Variants in TAF7L observed in about 807,000 individuals in gnomAD.
TAF7L encodes the protein TATA-box binding protein associated factor 7 like.
TAF7L carries 6 observed loss-of-function variants against 30.2 expected under a neutral mutation model. The observed-to-expected ratio is 0.20, with a 90% CI of 0.11 to 0.39. The LOEUF (loss-of-function observed/expected upper bound fraction) is 0.39, where lower values mean the gene tolerates loss of function less well. TAF7L is among the 10% of genes least tolerant of loss of function. TAF7L has a pLI of 1.00. For missense variants in TAF7L, 284 were observed against 277.1 expected, an observed-to-expected ratio of 1.03 and a Z score of -0.18; for synonymous variants, 93 against 94.5, an observed-to-expected ratio of 0.98 and a Z score of 0.09.
chrX:101,286,180 CA>C (rs1188025833), intron 3 of TAF7L, among the ~76,000 whole-genome samples: 217 of 46,237 alleles, frequency 4.7e-3, no homozygotes, highest in Middle Eastern at 0.043. Flanking sequence ...GACTCCATCT[CA>C]AAAAAAAAAA....
chrX:101,292,253 A>T (rs1365153726), upstream of TAF7L, among the ~76,000 whole-genome samples: 4 of 24,718 alleles, frequency 1.6e-4, no homozygotes, highest in South Asian at 3.9e-3. Context: ...AAAAAAAAAT[A>T]AATAAAAAAA....
chrX:101,289,288 T>A (rs1172801747), intron 1 of TAF7L, among the ~76,000 whole-genome samples: 3 of 112,016 alleles, frequency 2.7e-5, no homozygotes, highest in Non-Finnish European at 3.8e-5. Flanking sequence ...TATTTATCCA[T>A]TCACTTGTTG....
chrX:101,280,046 TA>T (rs35674743), intron 6 of TAF7L, among the ~76,000 whole-genome samples: 1,109 of 87,390 alleles, frequency 0.013, 14 homozygotes, highest in African/African-American at 0.038. Flanking sequence ...TAAAAAGATG[TA>T]AAAAAAAAAA....
chrX:101,286,426 C>G, intron 3 of TAF7L, 149 bp downstream of exon 3: 1 of 404,902 alleles, frequency 2.5e-6, no homozygotes, highest in Non-Finnish European at 4.2e-6. Context: ...AAGAAGAGGA[C>G]TTAAGCCTCT....
upstream of TAF7L, among the ~76,000 whole-genome samples, chrX:101,291,814 C>G (rs1013925635): frequency 9.5e-6 from 1 of 104,993 alleles, no homozygotes; most frequent in Non-Finnish European, 1.9e-5. Context: ...TGCAGTGAGC[C>G]GAGATTGCGC....
chrX:101,285,497 C>CAAAAA, intron 3 of TAF7L, among the ~76,000 whole-genome samples: 1 of 23,126 alleles, frequency 4.3e-5, no homozygotes. Context: ...GACTCCATCT[C>CAAAAA]AAAAAAAAAA....
chrX:101,280,045 G>GT (rs1221049241), intron 6 of TAF7L, among the ~76,000 whole-genome samples: 1 of 70,463 alleles, frequency 1.4e-5, no homozygotes, highest in African/African-American at 5.6e-5. Flanking sequence ...TTAAAAAGAT[G>GT]TAAAAAAAAA....
At chrX:101,278,938 G>A in intron 7 of TAF7L, 56 bp downstream of exon 7, 1 of 1,021,813 alleles carries the variant, frequency 9.8e-7, no homozygotes, top group Non-Finnish European at 1.4e-6. Flanking sequence ...AAACTAATGA[G>A]CTATTAAATA....
At chrX:101,288,812 T>A (rs1432303675) in intron 1 of TAF7L, among the ~76,000 whole-genome samples, 1 of 111,377 alleles carries the variant, frequency 9.0e-6, no homozygotes, top group Non-Finnish European at 1.9e-5. Context: ...CACAATGATG[T>A]TATGATATAG....
intron 1 of TAF7L, among the ~76,000 whole-genome samples, chrX:101,290,972 C>A (rs1924775648): frequency 8.9e-6 from 1 of 112,053 alleles, no homozygotes; most frequent in Admixed American, 9.4e-5. Context: ...CAGTCTCCGG[C>A]TGCAGTTTAA....
upstream of TAF7L, chrX:101,292,834 G>A: frequency 8.3e-7 from 1 of 1,211,300 alleles, no homozygotes. Flanking sequence ...AGCAGCCTGG[G>A]CGCTGCTGTC....
intron 9 of TAF7L, among the ~76,000 whole-genome samples, chrX:101,277,043 T>C (rs1208305193): frequency 2.9e-5 from 3 of 104,696 alleles, no homozygotes; most frequent in Non-Finnish European, 3.9e-5. Context: ...TCCCAGCTAC[T>C]TGGGAGGCTG....
At chrX:101,286,550 T>C (rs1333459986) in intron 3 of TAF7L, 25 bp downstream of exon 3, 2 of 1,084,888 alleles carry the variant, frequency 1.8e-6, no homozygotes, top group East Asian at 6.0e-5. Context: ...GTTCAATGTA[T>C]AGTGAATGGA....
chrX:101,289,157 T>A (rs143556835), intron 1 of TAF7L, among the ~76,000 whole-genome samples: 195 of 112,336 alleles, frequency 1.7e-3, no homozygotes, highest in African/African-American at 6.0e-3. Flanking sequence ...ATTTTTGTCT[T>A]TTTCTGCCTG....
intron 7 of TAF7L, 87 bp from the exon 8 acceptor site, chrX:101,278,208 C>T (rs1294723530): frequency 2.6e-5 from 18 of 698,317 alleles, no homozygotes; most frequent in East Asian, 3.3e-5. Context: ...TACGTACCAA[C>T]GAATTCAAAT....
chrX:101,287,013 T>C (rs1040869087), intron 2 of TAF7L, among the ~76,000 whole-genome samples: 2 of 112,140 alleles, frequency 1.8e-5, no homozygotes, highest in Non-Finnish European at 3.8e-5. Flanking sequence ...CCATCCTTAA[T>C]ATAGCTGCCT....
Position 101,269,247 on chromosome X carries a change from G to A in TAF7L, c.1087-10C>T. 1.7e-6 allele frequency: 2 copies of A among 1,195,296 alleles called. No individual in the cohort carries two copies. The highest frequency in any genetic ancestry group is 2.3e-6 in the Non-Finnish European group (2 of 884,666). ...CCTGTAGGGAAATGAGCTGTAGGGA[G>A]AGGTAGAAAGACATGAAAAATTCAT... On this transcript the variant is annotated splice_polypyrimidine_tract_variant and intron_variant, in intron 12 of 12. Transcript: ENST00000356784.
chrX:101,276,284 T>A (rs1292119902), intron 10 of TAF7L, 23 bp downstream of exon 10: 1 of 1,210,837 alleles, frequency 8.3e-7, no homozygotes, highest in Admixed American at 2.2e-5. Context: ...CCTGGTCCCA[T>A]CCCTTTGTTT....
At chrX:101,285,809 G>C (rs1054409409) in intron 3 of TAF7L, among the ~76,000 whole-genome samples, 1 of 110,801 alleles carries the variant, frequency 9.0e-6, no homozygotes, top group African/African-American at 3.3e-5. Context: ...TGAGTTGTTT[G>C]AGTTCCTTAT....
Sources: gnomAD v4.1 joint callset for allele counts (sites outside exome capture counted in the v4.1 genomes callset) on GRCh38, gnomAD v4.1.1 for gene constraint, MANE v1.5 for transcripts, NCBI Gene and HGNC (gene_info 2026-07-23, HGNC 2026-07-21) for gene names.